Variants in HTT observed in about 807,000 individuals in gnomAD.
The protein encoded by HTT is huntingtin.
In HTT, 104 loss-of-function variants were observed where a neutral mutation model predicts 362.3. The observed-to-expected ratio is 0.29, with a 90% CI of 0.24 to 0.34. The LOEUF is 0.34. Among genes scored for constraint, HTT ranks in the 10% least tolerant of loss-of-function variants. The probability of loss-of-function intolerance (pLI) is 1.00; values close to 1 mark genes in which losing one functional copy is unlikely to be tolerated. For missense variants in HTT, 3,301 were observed against 3,928.6 expected (o/e 0.84, Z 4.27); for synonymous variants, 1,577 against 1,548.7 (o/e 1.02, Z -0.43).
Position 3,206,699 on chromosome 4 carries a change from T to C in HTT, c.5898+24T>C, listed in dbSNP as rs779314483. The C allele has an allele frequency of 3.7e-6, 6 of 1,601,476 alleles. No homozygotes were observed. In the East Asian group the frequency reaches 1.1e-4, roughly 30 times the overall value. ...CTGTACGTCTTCATCCTGCCGACTA[T>C]TGCCAGTTGCAGTTTTCCCTGCCTT... On this transcript the variant is annotated intron_variant, in intron 43 of 66. Coordinates refer to ENST00000355072, the MANE Select transcript of HTT (RefSeq NM_001388492.1). This position sits in a 1 kb window ranked among gnomAD's most constrained non-coding sequence, Gnocchi z 4.6.
In HTT at chr4:3,088,882, T is replaced by C. The variant is rs558494759; in HGVS notation, c.347+1860T>C. Among the ~76,000 whole-genome samples the C allele has an allele frequency of 1.7e-3, 257 of 152,360 alleles. 1 individual carries two copies. Among genetic ancestry groups the C allele is most frequent in the Admixed American group, 3.6e-3 (55 of 15,306 alleles). On this transcript the variant is annotated intron_variant, in intron 2 of 66. Coordinates refer to ENST00000355072, the MANE Select transcript of HTT (RefSeq NM_001388492.1). ...ATACTGTGTATGATTCTGTTCTGTT[T>C]CTGTCTAATTTGTGGAAATGTTGTG...
At chr4:3,155,362 C>A (rs921098237) in intron 27 of HTT, among the ~76,000 whole-genome samples, 23 of 151,468 alleles carry the variant, frequency 1.5e-4, no homozygotes, top group Admixed American at 4.6e-4. Flanking sequence ...GCTGGGACTA[C>A]AGGTGTGCAC....
In HTT at chr4:3,207,001, C is replaced by T; in HGVS notation, c.6075+18C>T. On this transcript the variant is annotated intron_variant, in intron 44 of 66. Transcript: ENST00000355072. The stretch of plus-strand genomic sequence containing the variant: ...ATTTACAGGTATTGGGAAGAGAAAC[C>T]CTGATATTGATTTATATTGAAAATT... 3 of 1,589,996 alleles carry T rather than the reference C, an allele frequency of 1.9e-6. No homozygotes were observed. In the East Asian group the frequency reaches 6.7e-5, roughly 36 times the overall value.
At chr4:3,147,900 C>G (rs1578537571) in intron 25 of HTT, 105 bp from the exon 26 acceptor site, 1 of 828,148 alleles carries the variant, frequency 1.2e-6, no homozygotes. Context: ...GCACAGATGT[C>G]TGGCCAACTC....
At chr4:3,143,058 A>T (rs970220138) in intron 23 of HTT, among the ~76,000 whole-genome samples, 172 bp downstream of exon 23, 1 of 152,196 alleles carries the variant, frequency 6.6e-6, no homozygotes, top group Admixed American at 6.5e-5. Flanking sequence ...AGCTTACTCC[A>T]GGAATGTAAA....
At chr4:3,122,336 A>C (rs1022429848) in intron 9 of HTT, among the ~76,000 whole-genome samples, 1 of 152,192 alleles carries the variant, frequency 6.6e-6, no homozygotes, top group Non-Finnish European at 1.5e-5. Flanking sequence ...GGCCTCTCCT[A>C]AGCCACTGCA....
intron 2 of HTT, among the ~76,000 whole-genome samples, chr4:3,087,330 T>C (rs1012076785): frequency 6.6e-6 from 1 of 152,260 alleles, no homozygotes; most frequent in Admixed American, 6.5e-5. Context: ...GGTTTGATAT[T>C]TTTGCATTTG....
intron 57 of HTT, among the ~76,000 whole-genome samples, chr4:3,226,457 C>G (rs1720920154): frequency 6.6e-6 from 1 of 152,042 alleles, no homozygotes; most frequent in Admixed American, 6.6e-5. Flanking sequence ...GGCAACAGAC[C>G]AGTACTCTGT....
chr4:3,161,649 G>A (rs1174119249), intron 29 of HTT, among the ~76,000 whole-genome samples: 1 of 152,164 alleles, frequency 6.6e-6, no homozygotes, highest in Non-Finnish European at 1.5e-5. Flanking sequence ...TTGTGATTTT[G>A]ATCTGCATTT....
At chr4:3,115,550 T>A (rs1162086376) in intron 7 of HTT, 105 bp downstream of exon 7, 2 of 906,436 alleles carry the variant, frequency 2.2e-6, no homozygotes, top group East Asian at 2.6e-5. Flanking sequence ...CCAGGCTATT[T>A]GGCACTGGTT....
At chr4:3,189,387 AT>A (rs2110250365) in intron 40 of HTT, among the ~76,000 whole-genome samples, 1 of 152,370 alleles carries the variant, frequency 6.6e-6, no homozygotes, top group South Asian at 2.1e-4. Flanking sequence ...GTGTCCCTCG[AT>A]GGATGAATGG....
At chr4:3,210,807 G>A (rs181073862) in intron 47 of HTT, among the ~76,000 whole-genome samples, 20 of 152,224 alleles carry the variant, frequency 1.3e-4, no homozygotes, top group Non-Finnish European at 2.6e-4. Context: ...GAGACCTTGT[G>A]GGGAGGGCAA....
intron 51 of HTT, 54 bp from the exon 52 acceptor site, chr4:3,217,711 G>A (rs1720479995): frequency 2.1e-6 from 3 of 1,451,792 alleles, no homozygotes; most frequent in Non-Finnish European, 1.9e-6. Flanking sequence ...TTTCTACACT[G>A]GGCATATAGG....
At chr4:3,197,205 C>T (rs979766599) in intron 40 of HTT, among the ~76,000 whole-genome samples, 1 of 152,110 alleles carries the variant, frequency 6.6e-6, no homozygotes, top group Middle Eastern at 3.2e-3. Flanking sequence ...TTCTGCCTCT[C>T]TCCTTGGCCT....
intron 8 of HTT, among the ~76,000 whole-genome samples, chr4:3,120,550 G>A (rs1715247821): frequency 6.6e-6 from 1 of 152,194 alleles, no homozygotes; most frequent in Admixed American, 6.5e-5. Context: ...AGGTGAGCTG[G>A]CATTCCCACC....
chr4:3,230,317 C>A (rs947663743), intron 60 of HTT, among the ~76,000 whole-genome samples: 5 of 152,174 alleles, frequency 3.3e-5, no homozygotes, highest in Non-Finnish European at 5.9e-5. Flanking sequence ...ATTGTAGTAG[C>A]CCATCCCCAC....
chr4:3,087,002 CAT>C lies in HTT; in HGVS notation c.329_330del (p.Ile110SerfsTer27), dbSNP rs753504553. 6.3e-7 allele frequency: 1 copy of C among 1,598,362 alleles called. No individual in the cohort carries two copies. ...VNHCLTICEN[I>X]VAQSVRNSPE... ...ATCATTGTCTGACAATATGTGAAAACATAGTGGCACAGTCTGTCAGGTAATTG... is the reference window on the plus strand; with the variant it reads ...ATCATTGTCTGACAATATGTGAAAACAGTGGCACAGTCTGTCAGGTAATTG... On this transcript the variant is annotated frameshift_variant, in exon 2 of 67. Transcript: ENST00000355072. LOFTEE classifies it high-confidence loss of function.
At position 3,238,667 on chromosome 4, in the gene HTT, C is replaced by T. The variant is rs548152034; in HGVS notation, c.9054+58C>T. ...GAAAGCCTGGAGGTGGAGTTGCCTC[C>T]GACTTCCCAGCAGATTCGCCAGCAG... On this transcript the variant is annotated intron_variant, in intron 65 of 66. Transcript: ENST00000355072. The T allele has an allele frequency of 2.4e-3, 3,641 of 1,533,126 alleles. 21 individuals carry two copies. The highest frequency in any genetic ancestry group is 6.9e-3 in the South Asian group (555 of 80,656). 95.0% of individuals were successfully genotyped at this position (1,533,126 alleles called of 1,614,324 possible). A position where few individuals can be genotyped will look rare whatever the true frequency, so the allele number is the denominator to read the frequency against.
Position 3,129,933 on chromosome 4 carries a change from G to A in HTT, c.1753G>A (p.Gly585Ser), listed in dbSNP as rs764859997. ...CCCTTGAACCGTTTAGGTGTTAGAC[G>A]GTACCGACAACCAGTATTTGGGCCT... ...PSDSSEIVLD[G>S]TDNQYLGLQI... The change falls in exon 13 of 67, where the codon GGT becomes AGT. Residue 585 changes from glycine to serine, a missense_variant. This residue lies in a region of HTT where 2,316 missense variants were observed against 2,658.5 expected (regional missense o/e 0.87). Coordinates refer to ENST00000355072, the MANE Select transcript of HTT (RefSeq NM_001388492.1). 19 of 1,613,964 alleles carry A rather than the reference G, an allele frequency of 1.2e-5. No homozygotes were observed. Among genetic ancestry groups the A allele is most frequent in the South Asian group, 3.3e-5 (3 of 91,074 alleles).
Sources: gnomAD v4.1 joint callset for allele counts (sites outside exome capture counted in the v4.1 genomes callset) on GRCh38, gnomAD v4.1.1 for gene constraint, gnomAD v4.1.1 regional missense constraint, Gnocchi (gnomAD v3.1) non-coding constraint, MANE v1.5 for transcripts, NCBI Gene and HGNC (gene_info 2026-07-23, HGNC 2026-07-21) for gene names.